The following EMC8 variants were observed in gnomAD, a reference collection of about 807,000 sequenced individuals.
EMC8 encodes COX4 neighbor.
In EMC8, 11 loss-of-function variants were observed where a neutral mutation model predicts 24.3. The observed-to-expected ratio is 0.45, with a 90% CI of 0.28 to 0.75. The LOEUF is 0.75. EMC8 is among the 30% of genes least tolerant of loss of function. The pLI is 0.12. For synonymous variants in EMC8, 145 were observed against 117.7 expected, an observed-to-expected ratio of 1.23 and a Z score of -1.50; for missense variants, 277 against 282.7, an observed-to-expected ratio of 0.98 and a Z score of 0.14.
At chr16:85,790,379 C>T (rs530022148) in intron 1 of EMC8, among the ~76,000 whole-genome samples, 54 of 152,212 alleles carry the variant, frequency 3.5e-4, no homozygotes, top group African/African-American at 1.3e-3. Flanking sequence ...AACCAGGGCT[C>T]AGTGAACCAA....
Position 85,780,703 on chromosome 16 carries a change from A to C in EMC8, c.379-230T>G. The C allele has an allele frequency of 5.3e-6, 3 of 564,432 alleles. No individual in the cohort carries two copies. In the South Asian group the frequency reaches 6.3e-5, roughly 12 times the overall value. 35.0% of individuals were successfully genotyped at this position (564,432 alleles called of 1,614,324 possible). ...TTTTTTCACAAAAGCGAAGCTTCCA[A>C]ACATGACTTCTTCCCTCATCCTAGG... On this transcript the variant is annotated intron_variant, in intron 3 of 4. Transcript: ENST00000253457.
intron 2 of EMC8, among the ~76,000 whole-genome samples, chr16:85,788,041 CTCTA>C (rs1211107395): frequency 1.3e-5 from 2 of 152,330 alleles, no homozygotes; most frequent in Admixed American, 6.5e-5. Flanking sequence ...GGAGGGTCGG[CTCTA>C]TCTGACAACA....
chr16:85,798,114 GTTTTTTTTTTTTTT>G (rs1163747067), intron 1 of EMC8, among the ~76,000 whole-genome samples: 2 of 72,152 alleles, frequency 2.8e-5, no homozygotes, highest in South Asian at 6.4e-4. Context: ...ACAGAAATTC[GTTTTTTTTTTTTTT>G]TTTTTTTTTT....
At chr16:85,783,663 T>C (rs1291733298) in intron 2 of EMC8, among the ~76,000 whole-genome samples, 1 of 152,188 alleles carries the variant, frequency 6.6e-6, no homozygotes, top group Non-Finnish European at 1.5e-5. Context: ...ACAGGGGCAA[T>C]GCTGTGTCTT....
chr16:85,781,173 CGCAAGGGCCTCCCACATG>C lies in EMC8; in HGVS notation c.378+20_378+37del. The stretch of plus-strand genomic sequence containing the variant: ...CAAGCTCCAGGTTGGTGAGAGGAGG[CGCAAGGGCCTCCCACATG>C]CTGCACAGAAGCGACTTACCATGAT... On this transcript the variant is annotated intron_variant, in intron 3 of 4. Coordinates refer to ENST00000253457, the MANE Select transcript of EMC8 (RefSeq NM_006067.5). 6.5e-7 allele frequency: 1 copy of C among 1,527,452 alleles called. No homozygotes were observed. The highest frequency in any genetic ancestry group is 1.1e-5 in the South Asian group (1 of 89,114). 94.6% of individuals were successfully genotyped at this position (1,527,452 alleles called of 1,614,324 possible).
At position 85,799,120 on chromosome 16, in the gene EMC8, G is replaced by A; in HGVS notation, c.176C>T (p.Pro59Leu). 1 of 1,591,858 alleles carries A rather than the reference G, an allele frequency of 6.3e-7. No homozygotes were observed. The highest frequency in any genetic ancestry group is 1.1e-5 in the South Asian group (1 of 88,276). The change falls in exon 1 of 5, where the codon CCC (proline) becomes CTC (leucine). Residue 59 changes from proline to leucine, a missense_variant. Pro to Leu is a moderately conservative substitution (Grantham distance 98, BLOSUM62 -3). Transcript: ENST00000253457. The surrounding 1 kb of genome is among the most constrained non-coding windows in gnomAD (Gnocchi z 4.2). ...GAGGGCCAGGGTGCCGTGGAAGAGG[G>A]GGATGCAGTCCACGAAGAGGGTGTG... ...AHHTLFVDCI[P>L]LFHGTLALAP...
In EMC8 at chr16:85,788,957, G is replaced by A. The variant is rs371429464; in HGVS notation, c.308+17C>T. 4.4e-5 allele frequency: 70 copies of A among 1,590,812 alleles called. No individual in the cohort carries two copies. The African/African-American group carries it at 6.0e-4, about 14-fold the overall frequency. ...GTGCTCACTTCCTCGCCCACAGAGG[G>A]TTCTGCATCCACGTACCTGGCATCC... On this transcript the variant is annotated intron_variant, in intron 2 of 4. Coordinates refer to ENST00000253457, the MANE Select transcript of EMC8 (RefSeq NM_006067.5).
At chr16:85,788,245 G>A (rs1480465586) in intron 2 of EMC8, among the ~76,000 whole-genome samples, 2 of 152,272 alleles carry the variant, frequency 1.3e-5, no homozygotes, top group African/African-American at 2.4e-5. Flanking sequence ...ACCTGCCCAA[G>A]GGCACTGCTT....
At chr16:85,780,094 C>A in intron 4 of EMC8, 1 of 601,312 alleles carries the variant, frequency 1.7e-6, no homozygotes. Flanking sequence ...AAGTTGGAGG[C>A]AGATGACTGA....
At chr16:85,797,495 C>T (rs78378632) in intron 1 of EMC8, among the ~76,000 whole-genome samples, 4,450 of 152,322 alleles carry the variant, frequency 0.029, 214 homozygotes, top group African/African-American at 0.1. Context: ...CAGCAGATAT[C>T]TTCAAGAGCT....
chr16:85,798,138 T>G (rs1036514954), intron 1 of EMC8, among the ~76,000 whole-genome samples: 1 of 110,178 alleles, frequency 9.1e-6, no homozygotes. Flanking sequence ...TTTTTTTTTT[T>G]TGAGACGGAG....
At chr16:85,793,741 C>G (rs1905118457) in intron 1 of EMC8, among the ~76,000 whole-genome samples, 1 of 152,160 alleles carries the variant, frequency 6.6e-6, no homozygotes, top group African/African-American at 2.4e-5. Flanking sequence ...GAAAGCTACT[C>G]CACCGCACTA....
chr16:85,792,477 A>T (rs950657864), intron 1 of EMC8: 1 of 152,230 alleles, frequency 6.6e-6, no homozygotes, highest in East Asian at 1.9e-4. Flanking sequence ...TGAGGAATGG[A>T]GAACTCGAAG....
At chr16:85,780,819 G>A (rs1205861017) in intron 3 of EMC8, 2 of 447,486 alleles carry the variant, frequency 4.5e-6, no homozygotes, top group African/African-American at 2.0e-5. Context: ...TAGAGGCTGT[G>A]CTGGCTGTTC....
intron 2 of EMC8, among the ~76,000 whole-genome samples, chr16:85,782,230 G>C (rs1463928353): frequency 1.3e-5 from 2 of 152,124 alleles, no homozygotes; most frequent in Non-Finnish European, 2.9e-5. Context: ...AGCAACCTCA[G>C]GGCAGCTGGC....
chr16:85,780,019 G>C (rs747943545), intron 4 of EMC8, 152 bp from the exon 5 acceptor site: 28 of 653,228 alleles, frequency 4.3e-5, no homozygotes, highest in Non-Finnish European at 6.7e-5. Context: ...GCATGAAGAG[G>C]TATACAGAGC....
At chr16:85,790,444 A>G (rs566250170) in intron 1 of EMC8, among the ~76,000 whole-genome samples, 1 of 152,342 alleles carries the variant, frequency 6.6e-6, no homozygotes, top group Non-Finnish European at 1.5e-5. Flanking sequence ...TAAAATATCT[A>G]TAATGGTGCT....
At chr16:85,781,048 A>C (rs1904470246) in intron 3 of EMC8, 163 bp downstream of exon 3, 1 of 603,444 alleles carries the variant, frequency 1.7e-6, no homozygotes, top group Non-Finnish European at 3.0e-6. Context: ...ATGGCCTGGG[A>C]TTCAACTGGT....
Position 85,799,152 on chromosome 16 carries a change from G to A in EMC8, c.144C>T (p.Gly48=), listed in dbSNP as rs755156430. 6 of 1,605,948 alleles carry A rather than the reference G, an allele frequency of 3.7e-6. No homozygotes were observed. The South Asian group carries it at 5.6e-5, about 15-fold the overall frequency. Residue 48 remains glycine (G), a synonymous_variant, in exon 1 of 5, where the codon GGC becomes GGT. Coordinates refer to ENST00000253457, the MANE Select transcript of EMC8 (RefSeq NM_006067.5). The surrounding 1 kb of genome is among the most constrained non-coding windows in gnomAD (Gnocchi z 4.2). ...AGTCCACGAAGAGGGTGTGGTGGGC[G>A]CCGGGGCCGCCCAGGGGGAGGTGCT... is the stretch of plus-strand genomic sequence containing the variant. ...RKEHLPLGGP[G]AHHTLFVDCI...
Sources: allele counts gnomAD v4.1 joint callset (sites outside exome capture counted in the v4.1 genomes callset), GRCh38; gene constraint gnomAD v4.1.1; non-coding constraint Gnocchi (gnomAD v3.1); transcripts MANE v1.5; gene names NCBI Gene and HGNC (gene_info 2026-07-23, HGNC 2026-07-21).